The following DOCK2 variants were observed in gnomAD, a reference collection of about 807,000 sequenced individuals.
DOCK2 encodes dedicator of cytokinesis 2.
In DOCK2, 87 loss-of-function variants were observed where a neutral mutation model predicts 248.9. The observed-to-expected ratio is 0.35, with a 90% CI of 0.29 to 0.42. DOCK2 has a LOEUF of 0.42. Among genes scored for constraint, DOCK2 ranks in the 10% least tolerant of loss-of-function variants. The probability of loss-of-function intolerance (pLI) is 1.00; values close to 1 mark genes in which losing one functional copy is unlikely to be tolerated. For synonymous variants in DOCK2, 805 were observed against 821.6 expected, an observed-to-expected ratio of 0.98 and a Z score of 0.35; for missense variants, 1,747 against 2,300.2, an observed-to-expected ratio of 0.76 and a Z score of 4.92.
chr5:169,664,496 C>T (rs545219671), intron 2 of DOCK2, among the ~76,000 whole-genome samples: 1 of 152,174 alleles, frequency 6.6e-6, no homozygotes, highest in African/African-American at 2.4e-5. Flanking sequence ...TGTTTTCACA[C>T]TGTTATAAAG....
rs146486187 is a variant in DOCK2 at position 169,674,474 on chromosome 5, T to G, written c.470+29T>G. On this transcript the variant is annotated intron_variant, in intron 6 of 51. Transcript: ENST00000520908. ...ACCTCTCTTTCCTCTGCAAAGAGGT[T>G]TTCTTCCCCCAGCCATCCTCTTTCT... 13 of 1,611,504 alleles carry G rather than the reference T, an allele frequency of 8.1e-6. No homozygotes were observed. In the East Asian group the frequency reaches 2.7e-4, roughly 33 times the overall value.
At chr5:169,690,333 G>A (rs994270613) in intron 9 of DOCK2, among the ~76,000 whole-genome samples, 3 of 152,116 alleles carry the variant, frequency 2.0e-5, no homozygotes, top group Non-Finnish European at 4.4e-5. Context: ...AAGGAGCCAG[G>A]GAGGGATTTG....
intron 27 of DOCK2, among the ~76,000 whole-genome samples, chr5:169,896,356 G>T (rs1311121450): frequency 6.6e-6 from 1 of 152,156 alleles, no homozygotes; most frequent in Admixed American, 6.5e-5. Flanking sequence ...TGGCATGGTG[G>T]ACAAGAGCTT....
intron 32 of DOCK2, 148 bp from the exon 33 acceptor site, chr5:170,018,812 G>T: frequency 9.8e-7 from 1 of 1,022,302 alleles, no homozygotes; most frequent in Non-Finnish European, 1.4e-6. Flanking sequence ...GTTCAAAACG[G>T]TGCCTGGCTC....
intron 27 of DOCK2, among the ~76,000 whole-genome samples, chr5:169,868,562 C>T (rs545478322): frequency 9.8e-4 from 149 of 152,272 alleles, no homozygotes; most frequent in Non-Finnish European, 1.8e-3. Context: ...AGTTTGAGAC[C>T]AGCCTGGGCA....
intron 27 of DOCK2, among the ~76,000 whole-genome samples, chr5:169,939,295 T>A (rs1475324187): frequency 6.6e-6 from 1 of 151,288 alleles, no homozygotes; most frequent in East Asian, 2.0e-4. Flanking sequence ...GTCAGGACCC[T>A]CCCTATCACT....
chr5:170,028,024 C>T, intron 34 of DOCK2, 76 bp downstream of exon 34: 1 of 1,342,022 alleles, frequency 7.5e-7, no homozygotes, highest in South Asian at 1.5e-5. Flanking sequence ...CTCCAGGGGG[C>T]TCCGAGTGGC....
rs1581459665 is a variant in DOCK2 at position 169,948,683 on chromosome 5, G to A, written c.2800-34385G>A. ...GGCTGGAGTGCAGTGGTGTGATTAT[G>A]GCTCACTGCAGTCTGGAACTTATGG... On this transcript the variant is annotated intron_variant, in intron 27 of 51. Transcript: ENST00000520908. Among the ~76,000 whole-genome samples, 4 of 149,468 alleles carry A rather than the reference G, an allele frequency of 2.7e-5. No homozygotes were observed. The South Asian group carries it at 6.5e-4, about 24-fold the overall frequency.
At chr5:170,010,258 G>A (rs1306459371) in intron 32 of DOCK2, among the ~76,000 whole-genome samples, 1 of 152,222 alleles carries the variant, frequency 6.6e-6, no homozygotes, top group African/African-American at 2.4e-5. Flanking sequence ...TCCCCTGGGA[G>A]AAGGGGGTGC....
intron 46 of DOCK2, among the ~76,000 whole-genome samples, chr5:170,072,058 G>T (rs1437997136): frequency 6.6e-6 from 1 of 152,054 alleles, no homozygotes; most frequent in Non-Finnish European, 1.5e-5. Flanking sequence ...ATTTCAGCTT[G>T]GGGCTATTAT....
intron 27 of DOCK2, among the ~76,000 whole-genome samples, chr5:169,972,570 TA>T (rs201582918): frequency 0.062 from 3,963 of 64,158 alleles, 67 homozygotes; most frequent in Non-Finnish European, 0.08. Flanking sequence ...GATAGATAGA[TA>T]GATAGATAGA....
intron 27 of DOCK2, among the ~76,000 whole-genome samples, chr5:169,968,015 A>AGC (rs2113758544): frequency 6.6e-6 from 1 of 152,300 alleles, no homozygotes; most frequent in African/African-American, 2.4e-5. Flanking sequence ...TGTTAATATG[A>AGC]GCTGCCCATG....
At chr5:169,744,029 G>A (rs1452718539) in intron 22 of DOCK2, among the ~76,000 whole-genome samples, 3 of 151,344 alleles carry the variant, frequency 2.0e-5, no homozygotes, top group African/African-American at 7.3e-5. Flanking sequence ...TTCATCCCTG[G>A]ACTCAAGTGT....
chr5:169,648,744 C>T lies in DOCK2; in HGVS notation c.44-5659C>T, dbSNP rs79935815. Among the ~76,000 whole-genome samples, 1,441 of 152,306 alleles carry T rather than the reference C, an allele frequency of 9.5e-3. 11 individuals carry two copies. The highest frequency in any genetic ancestry group is 0.017 in the South Asian group (82 of 4,826). Reference sequence around the variant, plus strand: ...ACCCACCCCAAGAACTGCAGATTCACGATGAAATGGGTGGCTGTGCGTAAA... The same window carrying T: ...ACCCACCCCAAGAACTGCAGATTCATGATGAAATGGGTGGCTGTGCGTAAA... On this transcript the variant is annotated intron_variant, in intron 1 of 51. Transcript: ENST00000520908.
chr5:169,942,214 G>C (rs1561841134), intron 27 of DOCK2, among the ~76,000 whole-genome samples: 1 of 152,172 alleles, frequency 6.6e-6, no homozygotes, highest in Admixed American at 6.5e-5. Flanking sequence ...ATGGAGAAGG[G>C]AGTTTAAAAA....
intron 40 of DOCK2, among the ~76,000 whole-genome samples, chr5:170,049,273 C>A (rs1756828032): frequency 6.6e-6 from 1 of 152,228 alleles, no homozygotes; most frequent in Non-Finnish European, 1.5e-5. Flanking sequence ...TGCCACCACG[C>A]CCAGCTAATT....
At chr5:170,056,081 A>G (rs1433494583) in intron 42 of DOCK2, among the ~76,000 whole-genome samples, 1 of 152,204 alleles carries the variant, frequency 6.6e-6, no homozygotes, top group Non-Finnish European at 1.5e-5. Context: ...CTGCTTTGCA[A>G]GATGAAGGAC....
intron 36 of DOCK2, among the ~76,000 whole-genome samples, 196 bp downstream of exon 36, chr5:170,036,751 G>A (rs774400656): frequency 1.8e-4 from 28 of 152,260 alleles, no homozygotes; most frequent in African/African-American, 4.8e-4. Context: ...ATAAAACCAC[G>A]TGAAATCGTC....
At chr5:169,961,978 CAAAA>C (rs70979150) in intron 27 of DOCK2, among the ~76,000 whole-genome samples, 2 of 74,654 alleles carry the variant, frequency 2.7e-5, no homozygotes, top group Non-Finnish European at 2.4e-5. Context: ...GACTCTGTCC[CAAAA>C]AAAAAAAAAA....
Sources: gnomAD v4.1 joint callset for allele counts (sites outside exome capture counted in the v4.1 genomes callset) on GRCh38, gnomAD v4.1.1 for gene constraint, MANE v1.5 for transcripts, NCBI Gene and HGNC (gene_info 2026-07-23, HGNC 2026-07-21) for gene names.